The following STXBP3 variants were observed in gnomAD, a reference collection of about 807,000 sequenced individuals.
The protein encoded by STXBP3 is syntaxin binding protein 3, also known as syntaxin-binding protein 3.
In STXBP3, 41 loss-of-function variants were observed where a neutral mutation model predicts 85.7. The ratio of observed to expected loss-of-function variants is 0.48; its 90% confidence interval spans 0.37 to 0.62. The LOEUF (loss-of-function observed/expected upper bound fraction) is 0.62, where lower values mean the gene tolerates loss of function less well. Among genes scored for constraint, STXBP3 ranks in the 20% least tolerant of loss-of-function variants. The pLI, the probability that STXBP3 is intolerant of heterozygous loss-of-function variation, is 0.00. For missense variants in STXBP3, 563 were observed against 703.1 expected (o/e 0.80, Z 2.25); for synonymous variants, 229 against 231.7 (o/e 0.99, Z 0.10).
chr1:108,807,224 G>C (rs1028294651), intron 17 of STXBP3, among the ~76,000 whole-genome samples, 177 bp from the exon 18 acceptor site: 3 of 142,104 alleles, frequency 2.1e-5, no homozygotes, highest in African/African-American at 5.4e-5. Context: ...CTCCACTGCA[G>C]TCCAGCCTGG....
At chr1:108,750,460 C>T (rs1360815219) in intron 1 of STXBP3, among the ~76,000 whole-genome samples, 6 of 152,120 alleles carry the variant, frequency 3.9e-5, no homozygotes, top group Non-Finnish European at 8.8e-5. Flanking sequence ...ACTTCCAAAT[C>T]TTCTCAATCA....
In STXBP3 at chr1:108,808,871, T is replaced by C. The variant is rs745920202; in HGVS notation, c.1773T>C (p.Asp591=). The change falls in exon 19 of 19, where the codon GAT becomes GAC. Residue 591 remains aspartate, a synonymous_variant. Transcript: ENST00000370008. ...KPKDKVSLIK[D]E is the part of the protein sequence containing the mutation. ...AGGATAAAGTCTCCTTAATTAAAGA[T>C]GAATAGCATTTCTTTTTGGAGGGTT... The C allele has an allele frequency of 5.7e-5, 91 of 1,599,628 alleles. No individual in the cohort carries two copies. The highest frequency in any genetic ancestry group is 3.8e-5 in the Non-Finnish European group (45 of 1,171,532).
At chr1:108,770,983 T>A (rs997600396) in intron 6 of STXBP3, among the ~76,000 whole-genome samples, 3 of 152,140 alleles carry the variant, frequency 2.0e-5, no homozygotes, top group Admixed American at 6.6e-5. Context: ...ACGGAAGACA[T>A]GTATCAACTA....
At position 108,781,112 on chromosome 1, in the gene STXBP3, T is replaced by C. The variant is rs535558645; in HGVS notation, c.810-1310T>C. Reference sequence around the variant, plus strand: ...CTTATCTCTGTTTACAGATCACTTATAAGTCAAAGGTATTGTGTAAGAACA... The same window carrying C: ...CTTATCTCTGTTTACAGATCACTTACAAGTCAAAGGTATTGTGTAAGAACA... On this transcript the variant is annotated intron_variant, in intron 9 of 18. Coordinates refer to ENST00000370008, the MANE Select transcript of STXBP3 (RefSeq NM_007269.4). The C allele has an allele frequency of 5.3e-5, 8 of 152,306 alleles. No homozygotes were observed. The East Asian group carries it at 1.5e-3, about 29-fold the overall frequency. 9.4% of individuals were successfully genotyped at this position (152,306 alleles called of 1,614,324 possible). A position where few individuals can be genotyped will look rare whatever the true frequency, so the allele number is the denominator to read the frequency against.
At position 108,779,368 on chromosome 1, in the gene STXBP3, C is replaced by G; in HGVS notation, c.767C>G (p.Ala256Gly). Residue 256 changes from alanine to glycine, a missense_variant, in exon 9 of 19, where the codon GCA becomes GGA. Ala to Gly is a moderately conservative substitution (Grantham distance 60). Coordinates refer to ENST00000370008, the MANE Select transcript of STXBP3 (RefSeq NM_007269.4). The part of the protein sequence containing the change: ...STVLHELTFQ[A>G]MAYDLLPIEN... ...GTCCTGCATGAACTGACCTTTCAGGCAATGGCATATGATCTACTACCAATT... is the reference window on the plus strand; with the variant it reads ...GTCCTGCATGAACTGACCTTTCAGGGAATGGCATATGATCTACTACCAATT... 1 of 1,612,850 alleles carries G rather than the reference C, an allele frequency of 6.2e-7. No homozygotes were observed. The highest frequency in any genetic ancestry group is 8.5e-7 in the Non-Finnish European group (1 of 1,179,272).
intron 8 of STXBP3, 90 bp from the exon 9 acceptor site, chr1:108,779,196 G>C (rs1662661622): frequency 2.2e-6 from 3 of 1,388,720 alleles, no homozygotes; most frequent in Admixed American, 2.1e-5. Flanking sequence ...CAGAACTTAG[G>C]AAAAGGGTGC....
At chr1:108,800,359 T>A in intron 17 of STXBP3, 54 bp downstream of exon 17, 1 of 1,356,550 alleles carries the variant, frequency 7.4e-7, no homozygotes, top group Non-Finnish European at 1.1e-6. Context: ...ACTAATAATT[T>A]AAAATGGTAC....
At chr1:108,791,702 G>A (rs1662979062) in intron 11 of STXBP3, among the ~76,000 whole-genome samples, 1 of 151,968 alleles carries the variant, frequency 6.6e-6, no homozygotes, top group Admixed American at 6.6e-5. Flanking sequence ...ATACAGTTCT[G>A]TGAGTTTTGA....
In STXBP3 at chr1:108,783,460, A is replaced by G. The variant is rs1229258747; in HGVS notation, c.963+754A>G. On this transcript the variant is annotated intron_variant, in intron 11 of 18. Coordinates refer to ENST00000370008, the MANE Select transcript of STXBP3 (RefSeq NM_007269.4). ...AGATTGTGTTCTTGAACTTCACATA[A>G]TGAGATTCACCTGTGTTACGTATTT... Among the ~76,000 whole-genome samples, 4 of 152,258 alleles carry G rather than the reference A, an allele frequency of 2.6e-5. No homozygotes were observed. In the East Asian group the frequency reaches 7.7e-4, roughly 29 times the overall value.
Position 108,752,287 on chromosome 1 carries a change from A to G in STXBP3, c.80A>G (p.Lys27Arg). Residue 27 changes from lysine to arginine, a missense_variant, in exon 2 of 19, where the codon AAG (lysine) becomes AGG (arginine). Lys to Arg is a conservative substitution (Grantham distance 26). Transcript: ENST00000370008. ...KIKATVFDDC[K>R]KEGEWKIMLL... is the part of the protein sequence containing the mutation. ...AAAGCAACAGTGTTTGATGACTGCA[A>G]GAAAGAAGGCGAATGGAAGGTAGAG... 2 of 1,611,928 alleles carry G rather than the reference A, an allele frequency of 1.2e-6. No individual in the cohort carries two copies. The highest frequency in any genetic ancestry group is 1.7e-6 in the Non-Finnish European group (2 of 1,178,802).
intron 8 of STXBP3, among the ~76,000 whole-genome samples, chr1:108,777,637 A>G (rs1355241960): frequency 2.9e-4 from 44 of 152,144 alleles, no homozygotes; most frequent in Non-Finnish European, 1.5e-5. Flanking sequence ...TTTTCAGTGG[A>G]AAAAGAGCAA....
intron 1 of STXBP3, among the ~76,000 whole-genome samples, chr1:108,749,988 C>G (rs373866892): frequency 1.4e-4 from 21 of 152,202 alleles, no homozygotes; most frequent in African/African-American, 4.6e-4. Context: ...TCTGTACTTA[C>G]AGGATATCTC....
intron 2 of STXBP3, among the ~76,000 whole-genome samples, 174 bp downstream of exon 2, chr1:108,752,480 T>G (rs1164171141): frequency 6.6e-6 from 1 of 152,192 alleles, no homozygotes; most frequent in Non-Finnish European, 1.5e-5. Flanking sequence ...TACACTATTT[T>G]ATATAAGAGA....
At chr1:108,772,918 T>C (rs893828663) in intron 7 of STXBP3, 99 bp downstream of exon 7, 7 of 1,192,778 alleles carry the variant, frequency 5.9e-6, no homozygotes, top group Non-Finnish European at 7.7e-6. Context: ...TTTGCAAAAT[T>C]TATTTTCTTT....
intron 11 of STXBP3, among the ~76,000 whole-genome samples, chr1:108,787,966 G>T (rs548177322): frequency 6.6e-6 from 1 of 151,624 alleles, no homozygotes; most frequent in African/African-American, 2.4e-5. Flanking sequence ...ATTTTTGTGT[G>T]TTTTTAATAG....
intron 6 of STXBP3, among the ~76,000 whole-genome samples, chr1:108,766,460 A>G (rs915473076): frequency 6.6e-6 from 1 of 152,166 alleles, no homozygotes; most frequent in African/African-American, 2.4e-5. Context: ...TTTTTAAGCC[A>G]GAACATATAC....
intron 12 of STXBP3, among the ~76,000 whole-genome samples, chr1:108,794,432 A>G (rs1663045793): frequency 6.6e-6 from 1 of 152,222 alleles, no homozygotes; most frequent in East Asian, 1.9e-4. Context: ...CACCTTCTTC[A>G]CAAAGCTACA....
rs199952477 is a variant in STXBP3 at position 108,808,827 on chromosome 1, A to T, written c.1729A>T (p.Lys577Ter). ...ACCCAAAAAGCTGTTGGATGATATA[A>T]AGATGCTGAATAAACCCAAGGATAA... is the stretch of plus-strand genomic sequence containing the variant. ...LTPKKLLDDIKMLNKPKDKVS... is the reference protein window; with the variant it reads ...LTPKKLLDDI The change falls in exon 19 of 19, where the codon AAG (lysine) becomes TAG (stop). Residue 577 changes from lysine to a stop codon, truncating the protein, a stop_gained. Transcript: ENST00000370008. LOFTEE classifies it high-confidence loss of function. The T allele has an allele frequency of 7.4e-6, 12 of 1,613,314 alleles. No individual in the cohort carries two copies. The highest frequency in any genetic ancestry group is 8.5e-7 in the Non-Finnish European group (1 of 1,179,794).
intron 8 of STXBP3, among the ~76,000 whole-genome samples, chr1:108,778,249 A>G (rs1662630201): frequency 6.6e-6 from 1 of 152,204 alleles, no homozygotes; most frequent in Non-Finnish European, 1.5e-5. Flanking sequence ...ATCTGTAGTT[A>G]TCTGTTATTG....
Sources: allele counts gnomAD v4.1 joint callset (sites outside exome capture counted in the v4.1 genomes callset), GRCh38; gene constraint gnomAD v4.1.1; transcripts MANE v1.5; gene names NCBI Gene and HGNC (gene_info 2026-07-23, HGNC 2026-07-21).